The following HERC3 variants were observed in gnomAD, a reference collection of about 807,000 sequenced individuals.
HERC3 encodes HECT and RLD domain containing E3 ubiquitin protein ligase 3.
In HERC3, 58 loss-of-function variants were observed where a neutral mutation model predicts 129.9. The observed-to-expected ratio is 0.45, with a 90% CI of 0.36 to 0.56. HERC3 has a LOEUF of 0.56. Ranked by LOEUF, HERC3 falls within the 20% of genes least tolerant of loss-of-function variation. The probability of loss-of-function intolerance (pLI) is 0.00; values close to 1 mark genes in which losing one functional copy is unlikely to be tolerated. For synonymous variants in HERC3, 430 were observed against 451.0 expected (o/e 0.95, Z 0.59); for missense variants, 835 against 1,244.2 (o/e 0.67, Z 4.95).
chr4:88,616,598 G>A (rs183855798), intron 3 of HERC3, among the ~76,000 whole-genome samples: 15 of 152,322 alleles, frequency 9.8e-5, no homozygotes, highest in African/African-American at 3.4e-4. Context: ...GAATGCAAGT[G>A]ATTTTCCTTT....
chr4:88,631,052 T>G (rs1308805803), intron 3 of HERC3, among the ~76,000 whole-genome samples: 2 of 152,236 alleles, frequency 1.3e-5, no homozygotes, highest in African/African-American at 4.8e-5. Flanking sequence ...AATTTAGATT[T>G]ATGGCTTTAA....
the HERC3 span, among the ~76,000 whole-genome samples, chr4:88,581,457 CT>C: frequency 7.1e-6 from 1 of 140,140 alleles, no homozygotes; most frequent in African/African-American, 3.2e-5. Flanking sequence ...GCGACCATGC[CT>C]GGCTAAATTT....
At chr4:88,692,925 T>C (rs1734226973) in intron 23 of HERC3, 5 of 985,450 alleles carry the variant, frequency 5.1e-6, no homozygotes, top group Non-Finnish European at 6.0e-6. Context: ...TTGAAGACTT[T>C]GCTGTTTTTC....
intron 21 of HERC3, among the ~76,000 whole-genome samples, chr4:88,683,862 C>T (rs1312294054): frequency 1.3e-5 from 2 of 152,180 alleles, no homozygotes; most frequent in Non-Finnish European, 2.9e-5. Flanking sequence ...CAGCCCAGCA[C>T]AAACTCACAA....
At chr4:88,684,197 C>T (rs775391667) in intron 21 of HERC3, among the ~76,000 whole-genome samples, 13 of 152,144 alleles carry the variant, frequency 8.5e-5, no homozygotes, top group East Asian at 3.8e-4. Flanking sequence ...GGAGACATTA[C>T]GCTACTTGAC....
intron 23 of HERC3, among the ~76,000 whole-genome samples, chr4:88,699,805 C>T (rs1159421733): frequency 7.2e-5 from 11 of 152,138 alleles, no homozygotes; most frequent in Admixed American, 7.2e-4. Context: ...GATCTTAAAA[C>T]TTAGTGTTAA....
the HERC3 span, among the ~76,000 whole-genome samples, chr4:88,540,786 A>G: frequency 6.6e-6 from 1 of 152,242 alleles, no homozygotes; most frequent in East Asian, 1.9e-4. Context: ...GTGGGAGCCA[A>G]TATTCAACAT....
intron 3 of HERC3, among the ~76,000 whole-genome samples, chr4:88,616,879 GT>G (rs1204957050): frequency 6.6e-6 from 1 of 152,072 alleles, no homozygotes; most frequent in African/African-American, 2.4e-5. Context: ...GTGGAATTTT[GT>G]AGTGATGCAG....
rs2149272281 is a variant in HERC3 at position 88,652,030 on chromosome 4, C to T, written c.405C>T (p.Asn135=). ...VAVPRLIQKL[N]QQTILQVSCG... ...GTTTTAGGTTAATACAAAAGCTGAACCAGCAAACAATATTACAAGTTTCCT... is the reference window on the plus strand; with the variant it reads ...GTTTTAGGTTAATACAAAAGCTGAATCAGCAAACAATATTACAAGTTTCCT... Residue 135 remains asparagine, a synonymous_variant, in exon 5 of 26, where the codon AAC becomes AAT. Coordinates refer to ENST00000402738, the MANE Select transcript of HERC3 (RefSeq NM_014606.3). The T allele has an allele frequency of 3.1e-6, 5 of 1,613,558 alleles. No homozygotes were observed. Among genetic ancestry groups the T allele is most frequent in the South Asian group, 1.1e-5 (1 of 91,066 alleles).
chr4:88,649,608 C>G (rs1729059657), intron 3 of HERC3, among the ~76,000 whole-genome samples: 2 of 152,066 alleles, frequency 1.3e-5, no homozygotes. Flanking sequence ...GATGTGTGTG[C>G]TACTATAGTT....
intron 23 of HERC3, chr4:88,697,664 C>T (rs1441192875): frequency 1.2e-6 from 2 of 1,613,040 alleles, no homozygotes; most frequent in African/African-American, 1.3e-5. Flanking sequence ...CCCTGCGCAC[C>T]GCCTTCCGCC....
chr4:88,572,228 A>G, the HERC3 span, among the ~76,000 whole-genome samples: 1 of 151,840 alleles, frequency 6.6e-6, no homozygotes, highest in Non-Finnish European at 1.5e-5. Flanking sequence ...GTTGAAGACC[A>G]GCCCAGACAA....
the HERC3 span, among the ~76,000 whole-genome samples, chr4:88,562,982 T>C: frequency 6.6e-6 from 1 of 152,216 alleles, no homozygotes; most frequent in African/African-American, 2.4e-5. Context: ...TTGGCTATTC[T>C]GGATCTTTTG....
the HERC3 span, among the ~76,000 whole-genome samples, chr4:88,561,299 A>G: frequency 4.6e-5 from 7 of 152,212 alleles, no homozygotes; most frequent in African/African-American, 1.7e-4. Context: ...GAACCTGTGC[A>G]TAATAGGAAA....
intron 2 of HERC3, chr4:88,597,968 GTT>G (rs1722576525): frequency 6.6e-6 from 1 of 152,188 alleles, no homozygotes; most frequent in African/African-American, 2.4e-5. Context: ...CTGCATTTTA[GTT>G]TTGGCCCTAC....
At chr4:88,597,308 A>G (rs28549240) in intron 2 of HERC3, among the ~76,000 whole-genome samples, 2,261 of 152,368 alleles carry the variant, frequency 0.015, 33 homozygotes, top group Middle Eastern at 0.044. Context: ...ACTGGCTACC[A>G]TAGTGGACAG....
At chr4:88,696,378 T>C (rs1212729921) in intron 23 of HERC3, 1 of 152,656 alleles carries the variant, frequency 6.6e-6, no homozygotes, top group Non-Finnish European at 1.5e-5. Flanking sequence ...TGCTACATTC[T>C]ACATCTCTTC....
At chr4:88,539,045 C>G in the HERC3 span, among the ~76,000 whole-genome samples, 1 of 152,112 alleles carries the variant, frequency 6.6e-6, no homozygotes, top group Non-Finnish European at 1.5e-5. Context: ...ACTGAGATAC[C>G]TGGTTCATCT....
At chr4:88,627,465 T>C (rs1726228653) in intron 3 of HERC3, among the ~76,000 whole-genome samples, 1 of 152,186 alleles carries the variant, frequency 6.6e-6, no homozygotes, top group South Asian at 2.1e-4. Flanking sequence ...GTAGGTTATA[T>C]GCAAATACTG....
Sources: gnomAD v4.1 joint callset for allele counts (sites outside exome capture counted in the v4.1 genomes callset) on GRCh38, gnomAD v4.1.1 for gene constraint, MANE v1.5 for transcripts, NCBI Gene and HGNC (gene_info 2026-07-23, HGNC 2026-07-21) for gene names.